Variants in ALPL observed in about 807,000 individuals in gnomAD.
ALPL encodes alkaline phosphatase, tissue-nonspecific isozyme.
In ALPL, 42 loss-of-function variants were observed where a neutral mutation model predicts 51.3. That is an observed-to-expected ratio of 0.82 (90% CI 0.64 to 1.06). ALPL has a LOEUF of 1.06. Among genes scored for constraint, ALPL ranks in the 50% least tolerant of loss-of-function variants. The pLI is 0.00. For synonymous variants in ALPL, 279 were observed against 296.4 expected, an observed-to-expected ratio of 0.94 and a Z score of 0.60; for missense variants, 589 against 709.4, an observed-to-expected ratio of 0.83 and a Z score of 1.93.
rs568419000 is a variant in ALPL, at chr1:21,554,851, T to C, written c.61+709T>C. ...TTTCTTTCTTTCTTTCTTTCTTTCT[T>C]TCTTTCTTTCTTTCTTTCTTTCTCT... On this transcript the variant is annotated intron_variant, in intron 2 of 11. Coordinates refer to ENST00000374840, the MANE Select transcript of ALPL (RefSeq NM_000478.6). Among the ~76,000 whole-genome samples the C allele has an allele frequency of 2.6e-4, 35 of 135,486 alleles. No individual in the cohort carries two copies. The East Asian group carries it at 7.2e-3, about 28-fold the overall frequency. The allele number at this position is 135,486 out of a possible 152,430, so 88.9% of individuals were successfully genotyped here.
At position 21,556,016 on chromosome 1, in the gene ALPL, G is replaced by A. The variant is rs199987758; in HGVS notation, c.61+1874G>A. On this transcript the variant is annotated intron_variant, in intron 2 of 11. Coordinates refer to ENST00000374840, the MANE Select transcript of ALPL (RefSeq NM_000478.6). ...TCGATCTCCTGACCTCAGGTGATCC[G>A]CCTGCCTTGGCCTCCTAAAGTGCTG... Among the ~76,000 whole-genome samples the A allele has an allele frequency of 2.0e-4, 30 of 151,324 alleles. No individual in the cohort carries two copies. The East Asian group carries it at 4.5e-3, about 23-fold the overall frequency.
At chr1:21,536,356 C>T (rs900641110) in intron 1 of ALPL, among the ~76,000 whole-genome samples, 7 of 152,208 alleles carry the variant, frequency 4.6e-5, no homozygotes, top group Non-Finnish European at 1.0e-4. Flanking sequence ...TTTGGTTGCT[C>T]ACAATCTAAA....
At chr1:21,515,887 T>TTC (rs1643789963) in intron 1 of ALPL, among the ~76,000 whole-genome samples, 1 of 152,096 alleles carries the variant, frequency 6.6e-6, no homozygotes, top group Non-Finnish European at 1.5e-5. Context: ...TTGTTGTTTT[T>TTC]TGAGACAGGG....
At position 21,573,773 on chromosome 1, in the gene ALPL, C is replaced by T; in HGVS notation, c.971C>T (p.Pro324Leu). Residue 324 changes from proline (P) to leucine (L), a missense_variant, in exon 9 of 12, where the codon CCC (proline) becomes CTC (leucine). Pro to Leu is a moderately conservative substitution (Grantham distance 98, BLOSUM62 -3). Coordinates refer to ENST00000374840, the MANE Select transcript of ALPL (RefSeq NM_000478.6). ...GCCATCCAGATCCTGCGGAAGAACCCCAAAGGCTTCTTCTTGCTGGTGGAA... is the reference window on the plus strand; with the variant it reads ...GCCATCCAGATCCTGCGGAAGAACCTCAAAGGCTTCTTCTTGCTGGTGGAA... ...VVAIQILRKN[P>L]KGFFLLVEGG... is the part of the protein sequence containing the mutation. 6.2e-7 allele frequency: 1 copy of T among 1,614,174 alleles called. No homozygotes were observed.
rs1020986120 is a variant in ALPL, at chr1:21,577,850, C to A, written c.*202C>A. Reference sequence around the variant, plus strand: ...GGCCAAACCCACTTCTGGCCTCCAGCCTTTGCTCCCTCCCCGCTGCCCTTT... The same window carrying A: ...GGCCAAACCCACTTCTGGCCTCCAGACTTTGCTCCCTCCCCGCTGCCCTTT... On this transcript the variant is annotated 3_prime_UTR_variant, in exon 12 of 12. Coordinates refer to ENST00000374840, the MANE Select transcript of ALPL (RefSeq NM_000478.6). The A allele has an allele frequency of 1.3e-5, 9 of 683,560 alleles. No homozygotes were observed. Among genetic ancestry groups the A allele is most frequent in the Admixed American group, 5.9e-5 (2 of 34,108 alleles). The allele number at this position is 683,560 out of a possible 1,614,324, so 42.3% of individuals were successfully genotyped here. A position where few individuals can be genotyped will look rare whatever the true frequency, so the allele number is the denominator to read the frequency against.
rs553364609 is a variant in ALPL, at chr1:21,517,034, C to T, written c.-105+7517C>T. 3.9e-5 allele frequency among the ~76,000 whole-genome samples: 6 copies of T among 152,328 alleles called. No homozygotes were observed. In the East Asian group the frequency reaches 9.6e-4, roughly 24 times the overall value. The stretch of plus-strand genomic sequence containing the variant: ...GCCTATAGTTGGGCAAATCATCTAA[C>T]ACGAGGCCTATTTCATAATAAAGTG... On this transcript the variant is annotated intron_variant, in intron 1 of 11. Coordinates refer to ENST00000374840, the MANE Select transcript of ALPL (RefSeq NM_000478.6).
chr1:21,554,504 T>G (rs570932651), intron 2 of ALPL, among the ~76,000 whole-genome samples: 1 of 148,116 alleles, frequency 6.8e-6, no homozygotes, highest in Non-Finnish European at 1.5e-5. Context: ...AATTTTTTTT[T>G]TTTTGAGACA....
At chr1:21,568,016 C>T in intron 6 of ALPL, 88 bp from the exon 7 acceptor site, 1 of 1,583,610 alleles carries the variant, frequency 6.3e-7, no homozygotes, top group Non-Finnish European at 8.7e-7. Flanking sequence ...TCTCCAGGGA[C>T]TCCAGGAGTC....
intron 2 of ALPL, among the ~76,000 whole-genome samples, chr1:21,555,353 G>C (rs749408185): frequency 6.6e-6 from 1 of 152,184 alleles, no homozygotes; most frequent in African/African-American, 2.4e-5. Context: ...ACTTCAGGCC[G>C]TCTGGATGTA....
In ALPL at chr1:21,555,063, T is replaced by C. The variant is rs1487339229; in HGVS notation, c.61+921T>C. 4.0e-5 allele frequency among the ~76,000 whole-genome samples: 6 copies of C among 149,958 alleles called. No homozygotes were observed. The East Asian group carries it at 1.2e-3, about 29-fold the overall frequency. Reference sequence around the variant, plus strand: ...AGGCGGGCTAAGTCCAAAAAGAGAGTCAGCCAAGGGAGATATGGGTGGGGC... The same window carrying C: ...AGGCGGGCTAAGTCCAAAAAGAGAGCCAGCCAAGGGAGATATGGGTGGGGC... On this transcript the variant is annotated intron_variant, in intron 2 of 11. Coordinates refer to ENST00000374840, the MANE Select transcript of ALPL (RefSeq NM_000478.6).
chr1:21,555,106 G>A (rs1558544400), intron 2 of ALPL, among the ~76,000 whole-genome samples: 1 of 150,938 alleles, frequency 6.6e-6, no homozygotes, highest in African/African-American at 2.4e-5. Flanking sequence ...TAAGATAGGG[G>A]TAGGTAAAGG....
rs531626708 is a variant in ALPL, at chr1:21,563,946, G to C, written c.473-95G>C. The C allele has an allele frequency of 2.7e-6, 4 of 1,493,182 alleles. No individual in the cohort carries two copies. In the African/African-American group the frequency reaches 4.1e-5, roughly 15 times the overall value. 92.5% of individuals were successfully genotyped at this position (1,493,182 alleles called of 1,614,324 possible). On this transcript the variant is annotated intron_variant, in intron 5 of 11. Transcript: ENST00000374840. ...GGGCAATCCTCAGAACTGAAGCGGGGGCCTGTCTTTAGCGGGGAGGGGGAA... is the reference window on the plus strand; with the variant it reads ...GGGCAATCCTCAGAACTGAAGCGGGCGCCTGTCTTTAGCGGGGAGGGGGAA...
chr1:21,565,566 G>A (rs1644550951), intron 6 of ALPL, among the ~76,000 whole-genome samples: 1 of 151,898 alleles, frequency 6.6e-6, no homozygotes, highest in Non-Finnish European at 1.5e-5. Flanking sequence ...GGAACTTGAA[G>A]GAAATTCGAG....
intron 1 of ALPL, among the ~76,000 whole-genome samples, chr1:21,520,572 CT>C (rs1558526981): frequency 6.7e-6 from 1 of 149,992 alleles, no homozygotes; most frequent in South Asian, 2.1e-4. Context: ...AGTGATTCTC[CT>C]GCCTCAGCCT....
intron 1 of ALPL, among the ~76,000 whole-genome samples, chr1:21,548,550 G>A (rs1644282144): frequency 6.6e-6 from 1 of 152,228 alleles, no homozygotes; most frequent in Non-Finnish European, 1.5e-5. Context: ...AGGAGAGACA[G>A]ACCAATAACC....
At chr1:21,569,575 G>C (rs376615126) in intron 7 of ALPL, among the ~76,000 whole-genome samples, 137 of 150,096 alleles carry the variant, frequency 9.1e-4, no homozygotes, top group African/African-American at 2.6e-3. Flanking sequence ...GGGCTGGGAG[G>C]GGGGGTGCGG....
chr1:21,568,213 T>C lies in ALPL; in HGVS notation c.758T>C (p.Val253Ala). The C allele has an allele frequency of 3.1e-6, 5 of 1,614,056 alleles. No individual in the cohort carries two copies. Among genetic ancestry groups the C allele is most frequent in the Non-Finnish European group, 4.2e-6 (5 of 1,180,010 alleles). The stretch of plus-strand genomic sequence containing the variant: ...ACGAGGCTGGACGGCCTGGACCTCG[T>C]TGACACCTGGAAGAGCTTCAAACCG... ...RGTRLDGLDLVDTWKSFKPRY... is the reference protein window; with the variant it reads ...RGTRLDGLDLADTWKSFKPRY... Residue 253 changes from valine to alanine, a missense_variant, in exon 7 of 12, where the codon GTT (valine) becomes GCT (alanine). Val to Ala is a moderately conservative substitution (Grantham distance 64, BLOSUM62 0). Transcript: ENST00000374840.
chr1:21,546,230 G>A (rs1304417590), intron 1 of ALPL, among the ~76,000 whole-genome samples: 2 of 152,202 alleles, frequency 1.3e-5, no homozygotes, highest in African/African-American at 2.4e-5. Flanking sequence ...AGAAAAGGGC[G>A]TAATGGAGTA....
At chr1:21,542,969 T>C (rs1644209434) in intron 1 of ALPL, among the ~76,000 whole-genome samples, 1 of 151,774 alleles carries the variant, frequency 6.6e-6, no homozygotes, top group East Asian at 1.9e-4. Context: ...CTGGGCAGCA[T>C]AGTGAGACCC....
Sources: gnomAD v4.1 joint callset for allele counts (sites outside exome capture counted in the v4.1 genomes callset) on GRCh38, gnomAD v4.1.1 for gene constraint, MANE v1.5 for transcripts, NCBI Gene and HGNC (gene_info 2026-07-23, HGNC 2026-07-21) for gene names.